Variants in DZANK1 observed in about 807,000 individuals in gnomAD.
DZANK1 encodes double zinc ribbon and ankyrin repeat-containing protein 1.
Under a neutral mutation model 94.5 loss-of-function variants are expected in DZANK1, and 91 were observed. That is an observed-to-expected ratio of 0.96 (90% CI 0.81 to 1.15). The LOEUF (loss-of-function observed/expected upper bound fraction) is 1.15, where lower values mean the gene tolerates loss of function less well. Ranked by LOEUF, DZANK1 falls within the 50% of genes most tolerant of loss-of-function variation. DZANK1 has a pLI of 0.00. For missense variants in DZANK1, 903 were observed against 916.4 expected, an observed-to-expected ratio of 0.99 and a Z score of 0.19; for synonymous variants, 312 against 325.3, an observed-to-expected ratio of 0.96 and a Z score of 0.44.
intron 5 of DZANK1, 41 bp from the exon 6 acceptor site, chr20:18,452,780 AT>A: frequency 6.6e-7 from 1 of 1,514,910 alleles, no homozygotes; most frequent in Non-Finnish European, 8.9e-7. Context: ...AGCATCTGTA[AT>A]TATACATAAT....
intron 3 of DZANK1, among the ~76,000 whole-genome samples, chr20:18,456,314 T>C (rs1051235938): frequency 1.3e-5 from 2 of 152,194 alleles, no homozygotes; most frequent in African/African-American, 4.8e-5. Flanking sequence ...CAGTAAGAGC[T>C]TCATAAGAAG....
At chr20:18,396,373 C>A (rs1177637084) in intron 15 of DZANK1, 99 bp downstream of exon 15, 3 of 1,029,110 alleles carry the variant, frequency 2.9e-6, no homozygotes, top group African/African-American at 3.2e-5. Flanking sequence ...ATGTGTGAAA[C>A]TTTTCCTTTC....
At chr20:18,451,258 T>C (rs953353656) in intron 6 of DZANK1, among the ~76,000 whole-genome samples, 35 of 152,172 alleles carry the variant, frequency 2.3e-4, no homozygotes, top group Non-Finnish European at 5.9e-5. Context: ...TGCCTTTTAT[T>C]AAGGTCATAA....
chr20:18,417,034 C>CAAAAA (rs55889297), intron 10 of DZANK1, among the ~76,000 whole-genome samples: 3 of 139,930 alleles, frequency 2.1e-5, no homozygotes, highest in Non-Finnish European at 3.1e-5. Flanking sequence ...CAAAAAAAAA[C>CAAAAA]AAAAAAAAAA....
chr20:18,449,214 C>T (rs2059004126), intron 6 of DZANK1, 145 bp from the exon 7 acceptor site: 5 of 672,742 alleles, frequency 7.4e-6, no homozygotes, highest in Non-Finnish European at 1.2e-5. Flanking sequence ...ACTATAGACT[C>T]TAAAAGTGGG....
intron 12 of DZANK1, among the ~76,000 whole-genome samples, chr20:18,413,765 G>A (rs780711242): frequency 2.0e-5 from 3 of 151,902 alleles, no homozygotes; most frequent in Non-Finnish European, 4.4e-5. Context: ...GAGCAACACA[G>A]CGAGACTCTG....
chr20:18,390,384 C>T (rs2055894308), exon 18 of DZANK1: 7 of 1,613,810 alleles, frequency 4.3e-6, no homozygotes, highest in East Asian at 2.2e-5. Context: ...CTTACCTCAT[C>T]CAGCAGCTGT....
chr20:18,463,091 C>G (rs760993861), intron 2 of DZANK1, among the ~76,000 whole-genome samples: 10 of 152,052 alleles, frequency 6.6e-5, no homozygotes, highest in Non-Finnish European at 1.3e-4. Context: ...TTCATAATAG[C>G]AAAGACATGA....
chr20:18,417,178 A>C (rs952527837), intron 10 of DZANK1, among the ~76,000 whole-genome samples: 1 of 152,222 alleles, frequency 6.6e-6, no homozygotes, highest in Admixed American at 6.5e-5. Context: ...TGTGGCATCT[A>C]AGCTCTGATA....
At chr20:18,424,298 C>CA (rs1168546638) in intron 10 of DZANK1, among the ~76,000 whole-genome samples, 2 of 151,452 alleles carry the variant, frequency 1.3e-5, no homozygotes, top group Non-Finnish European at 2.9e-5. Flanking sequence ...AAAAATACAA[C>CA]AAAAAAATTA....
chr20:18,457,309 T>C (rs2148792784), intron 3 of DZANK1, among the ~76,000 whole-genome samples: 1 of 152,180 alleles, frequency 6.6e-6, no homozygotes, highest in Non-Finnish European at 1.5e-5. Context: ...ACCCCATCTC[T>C]ACCAAAAGTA....
chr20:18,437,779 C>A (rs371221745), intron 8 of DZANK1, among the ~76,000 whole-genome samples: 6 of 151,778 alleles, frequency 4.0e-5, no homozygotes, highest in East Asian at 3.9e-4. Flanking sequence ...ACTATGTATC[C>A]ACAAAAATTA....
At chr20:18,400,959 G>A (rs550989821) in intron 13 of DZANK1, among the ~76,000 whole-genome samples, 5 of 151,504 alleles carry the variant, frequency 3.3e-5, no homozygotes, top group South Asian at 2.1e-4. Context: ...TTTTTTAGAC[G>A]GAGTCTTGCT....
At chr20:18,427,694 A>G (rs557023314) in intron 9 of DZANK1, among the ~76,000 whole-genome samples, 1 of 152,256 alleles carries the variant, frequency 6.6e-6, no homozygotes, top group Admixed American at 6.5e-5. Context: ...TGGCTTAAAC[A>G]GTAAACAGAA....
At chr20:18,461,588 T>C (rs572414717) in intron 2 of DZANK1, among the ~76,000 whole-genome samples, 1 of 148,530 alleles carries the variant, frequency 6.7e-6, no homozygotes, top group Non-Finnish European at 1.5e-5. Context: ...AAAAGATACA[T>C]GCATTTGTAA....
intron 12 of DZANK1, 53 bp from the exon 13 acceptor site, chr20:18,412,906 T>G: frequency 3.4e-6 from 5 of 1,484,790 alleles, no homozygotes; most frequent in Non-Finnish European, 4.6e-6. Flanking sequence ...TTAATCAATC[T>G]TGCATTTTAC....
At chr20:18,438,218 C>CAAAAAAAAAAAAAAA (rs761846698) in intron 8 of DZANK1, among the ~76,000 whole-genome samples, 6 of 57,718 alleles carry the variant, frequency 1.0e-4, no homozygotes, top group South Asian at 8.7e-4. Flanking sequence ...GACTCTGTCT[C>CAAAAAAAAAAAAAAA]AAAAAAAAAA....
chr20:18,390,350 G>C, intron 18 of DZANK1, 29 bp downstream of exon 18: 1 of 1,606,230 alleles, frequency 6.2e-7, no homozygotes, highest in Non-Finnish European at 8.5e-7. Context: ...GAACTCTTCA[G>C]AGAGACTGGC....
chr20:18,393,850 C>T (rs1312410326), intron 16 of DZANK1, 39 bp from the exon 17 acceptor site: 4 of 1,282,492 alleles, frequency 3.1e-6, no homozygotes, highest in East Asian at 2.3e-5. Context: ...GATGCCCCTC[C>T]CCCAACTCCC....
Sources: gnomAD v4.1 joint callset for allele counts (sites outside exome capture counted in the v4.1 genomes callset) on GRCh38, gnomAD v4.1.1 for gene constraint, MANE v1.5 for transcripts, NCBI Gene and HGNC (gene_info 2026-07-23, HGNC 2026-07-21) for gene names.